ADAMTS18: variants seen among roughly 807,000 people sequenced by gnomAD.
ADAMTS18 encodes the protein A disintegrin and metalloproteinase with thrombospondin motifs 18.
ADAMTS18 carries 157 observed loss-of-function variants against 165.9 expected under a neutral mutation model. The observed-to-expected ratio is 0.95, with a 90% CI of 0.83 to 1.08. ADAMTS18 has a LOEUF of 1.08. Ranked by LOEUF, ADAMTS18 falls within the 50% of genes least tolerant of loss-of-function variation. ADAMTS18 has a pLI of 0.00. For missense variants in ADAMTS18, 2,040 were observed against 1,534.0 expected (o/e 1.33, Z -5.51); for synonymous variants, 782 against 578.2 (o/e 1.35, Z -5.06).
chr16:77,285,201 T>C (rs1375213700), intron 22 of ADAMTS18, among the ~76,000 whole-genome samples: 2 of 152,136 alleles, frequency 1.3e-5, no homozygotes, highest in Non-Finnish European at 2.9e-5. Context: ...AGATGGAATT[T>C]TGCTCTTGTT....
rs1174401560 is a variant in ADAMTS18, at chr16:77,434,778, C to G, written c.-83G>C. 29 of 1,177,470 alleles carry G rather than the reference C, an allele frequency of 2.5e-5. No individual in the cohort carries two copies. The highest frequency in any genetic ancestry group is 3.4e-5 in the East Asian group (1 of 29,526). 72.9% of individuals were successfully genotyped at this position (1,177,470 alleles called of 1,614,324 possible). On this transcript the variant is annotated 5_prime_UTR_variant, in exon 1 of 23. Coordinates refer to ENST00000282849, the MANE Select transcript of ADAMTS18 (RefSeq NM_199355.4). ...GCGGCGCGCATTCTTTCCGCGGCCC[C>G]GGAGCTCGGCGCCCCAGGTGCGGCT... is the stretch of plus-strand genomic sequence containing the variant.
intron 21 of ADAMTS18, 138 bp downstream of exon 21, chr16:77,291,128 C>T: frequency 1.1e-6 from 1 of 928,704 alleles, no homozygotes; most frequent in East Asian, 2.6e-5. Context: ...GAACAAAACC[C>T]ATTCTGCCTT....
At chr16:77,330,724 C>CAA (rs11446564) in intron 12 of ADAMTS18, among the ~76,000 whole-genome samples, 14 of 150,374 alleles carry the variant, frequency 9.3e-5, no homozygotes, top group African/African-American at 3.4e-4. Context: ...TAGCAGTCAA[C>CAA]AAAAAAAAAC....
At position 77,309,169 on chromosome 16, in the gene ADAMTS18, G is replaced by A. The variant is rs578213866; in HGVS notation, c.2533-8765C>T. Among the ~76,000 whole-genome samples the A allele has an allele frequency of 2.6e-5, 4 of 151,612 alleles. No individual in the cohort carries two copies. The South Asian group carries it at 6.3e-4, about 24-fold the overall frequency. ...TAGTGATCTCAGAAACTATGTGACT[G>A]CTAAATCAATATTTATTTTTATGCT... On this transcript the variant is annotated intron_variant, in intron 16 of 22. Transcript: ENST00000282849.
At chr16:77,388,488 C>T (rs982692111) in intron 3 of ADAMTS18, among the ~76,000 whole-genome samples, 2 of 152,152 alleles carry the variant, frequency 1.3e-5, no homozygotes, top group African/African-American at 2.4e-5. Flanking sequence ...CAGACTGGAA[C>T]CAAATGTGTG....
intron 16 of ADAMTS18, among the ~76,000 whole-genome samples, chr16:77,310,407 C>G (rs146363862): frequency 6.6e-6 from 1 of 152,112 alleles, no homozygotes; most frequent in Non-Finnish European, 1.5e-5. Flanking sequence ...CTGGGGAAAT[C>G]ATTTCTGAAA....
intron 3 of ADAMTS18, among the ~76,000 whole-genome samples, chr16:77,372,302 G>T (rs2066707516): frequency 6.6e-6 from 1 of 152,210 alleles, no homozygotes; most frequent in African/African-American, 2.4e-5. Flanking sequence ...GTATGTTGAA[G>T]AGATATCTGC....
At chr16:77,426,018 G>T (rs898308095) in intron 3 of ADAMTS18, among the ~76,000 whole-genome samples, 1 of 152,022 alleles carries the variant, frequency 6.6e-6, no homozygotes, top group Admixed American at 6.6e-5. Flanking sequence ...TCCAGCCTGG[G>T]CAACACAGCG....
chr16:77,364,350 A>T lies in ADAMTS18; in HGVS notation c.810T>A (p.Tyr270Ter). ...YAPKPPTEDT[Y>*]LRFDEYGSSG... ...AGCTCCCATATTCATCAAACCTTAG[A>T]TAGGTGTCCTCTGTGGGAGGCTTGG... Residue 270 changes from tyrosine (Y) to a stop codon, truncating the protein, a stop_gained, in exon 5 of 23, where the codon TAT becomes TAA. Transcript: ENST00000282849. LOFTEE classifies it high-confidence loss of function. 6 of 1,613,758 alleles carry T rather than the reference A, an allele frequency of 3.7e-6. No homozygotes were observed. The highest frequency in any genetic ancestry group is 5.1e-6 in the Non-Finnish European group (6 of 1,179,970).
At chr16:77,303,470 T>C (rs1040957169) in intron 16 of ADAMTS18, among the ~76,000 whole-genome samples, 4 of 152,164 alleles carry the variant, frequency 2.6e-5, no homozygotes, top group African/African-American at 9.7e-5. Flanking sequence ...CTTGGAGCCA[T>C]TTTAGACTTC....
chr16:77,306,907 C>T (rs1033504456), intron 16 of ADAMTS18, among the ~76,000 whole-genome samples: 2 of 152,172 alleles, frequency 1.3e-5, no homozygotes, highest in African/African-American at 4.8e-5. Context: ...CACATCTTCA[C>T]TCTCACAACA....
intron 3 of ADAMTS18, 100 bp from the exon 4 acceptor site, chr16:77,367,823 C>T (rs1285950175): frequency 1.5e-6 from 2 of 1,365,452 alleles, no homozygotes; most frequent in African/African-American, 2.9e-5. Flanking sequence ...TGTATGTGGG[C>T]ACAGGAGCTA....
chr16:77,431,424 A>G lies in ADAMTS18; in HGVS notation c.366T>C (p.Phe122=), dbSNP rs762146603. 5 of 1,614,212 alleles carry G rather than the reference A, an allele frequency of 3.1e-6. No homozygotes were observed. The highest frequency in any genetic ancestry group is 1.1e-5 in the South Asian group (1 of 91,086). The part of the protein sequence containing the change: ...LKPSAILSSH[F]IVQVLGKDGA... ...CATCTTTTCCAAGTACCTGGACAAT[A>G]AAGTGACTGCTCAAAATCGCCGAGG... The change falls in exon 3 of 23, where the codon TTT becomes TTC. Residue 122 remains phenylalanine, a synonymous_variant. Coordinates refer to ENST00000282849, the MANE Select transcript of ADAMTS18 (RefSeq NM_199355.4).
chr16:77,320,859 G>A (rs902415947), intron 15 of ADAMTS18, among the ~76,000 whole-genome samples: 6 of 152,198 alleles, frequency 3.9e-5, no homozygotes, highest in African/African-American at 1.4e-4. Flanking sequence ...TACTAAAAAT[G>A]CAAAGCAGAA....
At chr16:77,339,715 T>C (rs893617750) in intron 11 of ADAMTS18, among the ~76,000 whole-genome samples, 1 of 152,150 alleles carries the variant, frequency 6.6e-6, no homozygotes, top group Non-Finnish European at 1.5e-5. Flanking sequence ...TTCATTGTTT[T>C]GTATCATCAT....
At chr16:77,394,699 C>T (rs1183210438) in intron 3 of ADAMTS18, among the ~76,000 whole-genome samples, 3 of 152,136 alleles carry the variant, frequency 2.0e-5, no homozygotes, top group Non-Finnish European at 4.4e-5. Context: ...ACGAAAATTT[C>T]AAGAAAGTAT....
At position 77,364,004 on chromosome 16, in the gene ADAMTS18, A is replaced by G. The variant is rs78848819; in HGVS notation, c.973-119T>C. On this transcript the variant is annotated intron_variant, in intron 5 of 22. Transcript: ENST00000282849. ...ATTTTACCAAATATATGTACATATA[A>G]ATACAATTTCCTCAAAACTCAACTT... 1.2e-3 allele frequency: 1,449 copies of G among 1,203,770 alleles called. 16 individuals carry two copies. In the African/African-American group the frequency reaches 0.019, roughly 16 times the overall value. The allele number at this position is 1,203,770 out of a possible 1,614,324, so 74.6% of individuals were successfully genotyped here.
chr16:77,426,039 TCAAA>T (rs4038058), intron 3 of ADAMTS18, among the ~76,000 whole-genome samples: 2,660 of 151,912 alleles, frequency 0.018, 35 homozygotes, highest in Non-Finnish European at 0.027. Context: ...AGACTCCACA[TCAAA>T]CAAACAAACA....
chr16:77,351,612 T>A (rs2056557155), intron 10 of ADAMTS18, among the ~76,000 whole-genome samples: 1 of 152,220 alleles, frequency 6.6e-6, no homozygotes. Context: ...ACATAATGAA[T>A]CCTTTAGAAT....
Sources: gnomAD v4.1 joint callset for allele counts (sites outside exome capture counted in the v4.1 genomes callset) on GRCh38, gnomAD v4.1.1 for gene constraint, MANE v1.5 for transcripts, NCBI Gene and HGNC (gene_info 2026-07-23, HGNC 2026-07-21) for gene names.